The following CNEP1R1 variants were observed in gnomAD, a reference collection of about 807,000 sequenced individuals.
CNEP1R1 encodes the protein CTD nuclear envelope phosphatase 1 regulatory subunit 1, also known as nuclear envelope phosphatase-regulatory subunit 1.
CNEP1R1 carries 10 observed loss-of-function variants against 22.7 expected under a neutral mutation model. The observed-to-expected ratio is 0.44, with a 90% CI of 0.27 to 0.75. The LOEUF is 0.75. Ranked by LOEUF, CNEP1R1 falls within the 30% of genes least tolerant of loss-of-function variation. The pLI is 0.17. For missense variants in CNEP1R1, 73 were observed against 151.5 expected (o/e 0.48, Z 2.72); for synonymous variants, 53 against 50.1 (o/e 1.06, Z -0.25).
chr16:50,029,228 C>G (rs2036211833), intron 2 of CNEP1R1, among the ~76,000 whole-genome samples: 1 of 152,198 alleles, frequency 6.6e-6, no homozygotes, highest in Admixed American at 6.5e-5. Flanking sequence ...AAATCCGATA[C>G]TAACTGGTGT....
At chr16:50,029,891 A>G (rs1175477120) in intron 3 of CNEP1R1, 93 bp downstream of exon 3, 3 of 703,704 alleles carry the variant, frequency 4.3e-6, no homozygotes, top group Middle Eastern at 3.3e-4. Flanking sequence ...AACACTACCT[A>G]TTAACTACTA....
At chr16:50,032,802 C>A (rs1303478399) in intron 3 of CNEP1R1, among the ~76,000 whole-genome samples, 1 of 151,992 alleles carries the variant, frequency 6.6e-6, no homozygotes, top group Non-Finnish European at 1.5e-5. Context: ...GTCAAGAGTT[C>A]AAGACCAGCC....
rs2036169205 is a variant in CNEP1R1, at chr16:50,025,302, A to C, written c.-14A>C. ...CGGACAGGGCAGCGGCGGTGACCCGAGCTGCCGCCCGACATGAACTCGCTG... is the reference window on the plus strand; with the variant it reads ...CGGACAGGGCAGCGGCGGTGACCCGCGCTGCCGCCCGACATGAACTCGCTG... On this transcript the variant is annotated 5_prime_UTR_variant, in exon 1 of 6. Transcript: ENST00000427478. 1.4e-6 allele frequency: 2 copies of C among 1,428,638 alleles called. No homozygotes were observed. The highest frequency in any genetic ancestry group is 3.0e-5 in the African/African-American group (2 of 67,140). 88.5% of individuals were successfully genotyped at this position (1,428,638 alleles called of 1,614,324 possible).
chr16:50,027,300 G>A (rs1252064826), intron 2 of CNEP1R1, among the ~76,000 whole-genome samples: 1 of 152,010 alleles, frequency 6.6e-6, no homozygotes, highest in African/African-American at 2.4e-5. Flanking sequence ...ACGAGGTCAG[G>A]AGAGCGAGAC....
chr16:50,028,400 AGGATC>A (rs2036204839), intron 2 of CNEP1R1, among the ~76,000 whole-genome samples: 1 of 152,246 alleles, frequency 6.6e-6, no homozygotes, highest in African/African-American at 2.4e-5. Context: ...ATTGAAGCTA[AGGATC>A]TAAGGATCTG....
intron 5 of CNEP1R1, among the ~76,000 whole-genome samples, chr16:50,034,964 G>A (rs1488858546): frequency 2.0e-5 from 3 of 152,172 alleles, no homozygotes; most frequent in African/African-American, 7.2e-5. Context: ...TTGATAGGTA[G>A]CTTCTATTTT....
rs943964214 is a variant in CNEP1R1, at chr16:50,036,201, C to T, written c.*743C>T. The T allele has an allele frequency of 2.7e-5, 4 of 148,908 alleles. No individual in the cohort carries two copies. Among genetic ancestry groups the T allele is most frequent in the African/African-American group, 9.9e-5 (4 of 40,286 alleles). 9.2% of individuals were successfully genotyped at this position (148,908 alleles called of 1,614,324 possible). ...GTTGCCAGGCTGGAGGGCAGTGGCACGATCTTGGCTTTCTGCAACCTCTGC... is the reference window on the plus strand; with the variant it reads ...GTTGCCAGGCTGGAGGGCAGTGGCATGATCTTGGCTTTCTGCAACCTCTGC... On this transcript the variant is annotated 3_prime_UTR_variant, in exon 6 of 6. Coordinates refer to ENST00000427478, the MANE Select transcript of CNEP1R1 (RefSeq NM_001281789.2).
intron 3 of CNEP1R1, among the ~76,000 whole-genome samples, chr16:50,031,942 G>T (rs757075342): frequency 6.6e-6 from 1 of 152,178 alleles, no homozygotes; most frequent in Non-Finnish European, 1.5e-5. Flanking sequence ...CCTGGTGCAG[G>T]CCACACACAA....
intron 3 of CNEP1R1, among the ~76,000 whole-genome samples, chr16:50,030,182 A>G (rs2036219469): frequency 6.6e-6 from 1 of 152,190 alleles, no homozygotes; most frequent in Non-Finnish European, 1.5e-5. Context: ...TAGGCCAGGC[A>G]TGGTGGCTCA....
intron 2 of CNEP1R1, among the ~76,000 whole-genome samples, chr16:50,029,295 A>C (rs1203083026): frequency 6.6e-6 from 1 of 152,152 alleles, no homozygotes; most frequent in Non-Finnish European, 1.5e-5. Flanking sequence ...TGCAAAGCAA[A>C]ATCCTTTAGT....
At chr16:50,025,418 G>A in intron 1 of CNEP1R1, 78 bp downstream of exon 1, 2 of 1,360,694 alleles carry the variant, frequency 1.5e-6, no homozygotes, top group East Asian at 2.6e-5. Flanking sequence ...GCGTCGTGAA[G>A]ACCCCCGCCC....
At chr16:50,033,891 GT>G (rs1248241167) in intron 4 of CNEP1R1, among the ~76,000 whole-genome samples, 3 of 135,498 alleles carry the variant, frequency 2.2e-5, no homozygotes, top group Admixed American at 7.4e-5. Flanking sequence ...TACGCTTTGT[GT>G]TTTTTTTTTG....
intron 1 of CNEP1R1, chr16:50,025,610 T>G: frequency 6.4e-7 from 1 of 1,565,222 alleles, no homozygotes; most frequent in Non-Finnish European, 8.8e-7. Context: ...TTGCACTTCG[T>G]GCATTGCAGC....
At chr16:50,032,206 T>C (rs2036236654) in intron 3 of CNEP1R1, among the ~76,000 whole-genome samples, 1 of 152,298 alleles carries the variant, frequency 6.6e-6, no homozygotes, top group Admixed American at 6.5e-5. Context: ...ATTCTCTTGC[T>C]CCCATCTAGT....
At position 50,025,263 on chromosome 16, in the gene CNEP1R1, C is replaced by G; in HGVS notation, c.-53C>G. The G allele has an allele frequency of 1.4e-6, 2 of 1,385,676 alleles. No individual in the cohort carries two copies. The highest frequency in any genetic ancestry group is 1.9e-6 in the Non-Finnish European group (2 of 1,075,360). 85.8% of individuals were successfully genotyped at this position (1,385,676 alleles called of 1,614,324 possible). On this transcript the variant is annotated 5_prime_UTR_variant, in exon 1 of 6. Coordinates refer to ENST00000427478, the MANE Select transcript of CNEP1R1 (RefSeq NM_001281789.2). ...GGCGCTGCGGGCCGGGCGGGGGCCG[C>G]GGAAGCTGCGATGCGGACAGGGCAG...
In CNEP1R1 at chr16:50,029,810, G is replaced by C; in HGVS notation, c.171+12G>C. Reference sequence around the variant, plus strand: ...CTGAGACACAAAAGGTAGAAGTTTTGTTTTAAAATCATTAGCATAATTAAA... The same window carrying C: ...CTGAGACACAAAAGGTAGAAGTTTTCTTTTAAAATCATTAGCATAATTAAA... On this transcript the variant is annotated intron_variant, in intron 3 of 5. Transcript: ENST00000427478. The C allele has an allele frequency of 6.5e-7, 1 of 1,540,516 alleles. No homozygotes were observed.
At chr16:50,034,531 A>G (rs968860467) in intron 5 of CNEP1R1, 4 of 120,840 alleles carry the variant, frequency 3.3e-5, no homozygotes, top group Admixed American at 3.5e-4. Flanking sequence ...GATATGCTAT[A>G]TATGTTATTT....
intron 5 of CNEP1R1, 124 bp downstream of exon 5, chr16:50,034,280 T>G (rs2036257464): frequency 1.5e-6 from 1 of 655,640 alleles, no homozygotes; most frequent in Admixed American, 2.3e-5. Flanking sequence ...GAGAATATAC[T>G]TAGAGCATTG....
At chr16:50,029,490 A>AT (rs2036214050) in intron 2 of CNEP1R1, among the ~76,000 whole-genome samples, 2 of 152,224 alleles carry the variant, frequency 1.3e-5, no homozygotes. Context: ...ATTGATCATC[A>AT]TAAGTTCTGA....
Sources: gnomAD v4.1 joint callset for allele counts (sites outside exome capture counted in the v4.1 genomes callset) on GRCh38, gnomAD v4.1.1 for gene constraint, MANE v1.5 for transcripts, NCBI Gene and HGNC (gene_info 2026-07-23, HGNC 2026-07-21) for gene names.